NDUFA7: variants seen among roughly 807,000 people sequenced by gnomAD.
NDUFA7 encodes NADH:ubiquinone oxidoreductase subunit A7, also known as NADH dehydrogenase [ubiquinone] 1 alpha subcomplex subunit 7.
A neutral mutation model predicts 14.2 loss-of-function variants in NDUFA7; 18 were observed. The observed-to-expected ratio is 1.27, with a 90% CI of 0.88 to 1.88. The LOEUF (loss-of-function observed/expected upper bound fraction) is 1.88, where lower values mean the gene tolerates loss of function less well. Among genes scored for constraint, NDUFA7 ranks in the 40% most tolerant of loss-of-function variants. The pLI, the probability that NDUFA7 is intolerant of heterozygous loss-of-function variation, is 0.00. For synonymous variants in NDUFA7, 75 were observed against 62.1 expected, an observed-to-expected ratio of 1.21 and a Z score of -0.98; for missense variants, 172 against 147.3, an observed-to-expected ratio of 1.17 and a Z score of -0.87.
chr19:8,309,194 G>A (rs530290506), downstream of NDUFA7, among the ~76,000 whole-genome samples: 98 of 151,568 alleles, frequency 6.5e-4, no homozygotes, highest in African/African-American at 2.2e-3. Context: ...AGAAAAGTTG[G>A]CCGGCGCGCT....
At chr19:8,312,689 T>A (rs1313227352) in intron 3 of NDUFA7, among the ~76,000 whole-genome samples, 1 of 152,008 alleles carries the variant, frequency 6.6e-6, no homozygotes, top group African/African-American at 2.4e-5. Context: ...TGAGACAGGG[T>A]CTCACTTTGT....
chr19:8,321,216 C>T lies in NDUFA7; in HGVS notation c.51+92G>A, dbSNP rs4147646. The T allele has an allele frequency of 6.8e-4, 943 of 1,389,368 alleles. 32 individuals carry two copies. The East Asian group carries it at 0.017, about 24-fold the overall frequency. The allele number at this position is 1,389,368 out of a possible 1,614,324, so 86.1% of individuals were successfully genotyped here. On this transcript the variant is annotated intron_variant, in intron 1 of 3. Coordinates refer to ENST00000301457, the MANE Select transcript of NDUFA7 (RefSeq NM_005001.5). The stretch of plus-strand genomic sequence containing the variant: ...GGGAGATTCGGGGAGAGCGAAGGGT[C>T]CCGGCTTAGGAGGGAGGTGAGGAGC...
intron 1 of NDUFA7, 87 bp from the exon 2 acceptor site, chr19:8,320,993 G>T: frequency 1.3e-6 from 2 of 1,482,432 alleles, no homozygotes; most frequent in South Asian, 2.3e-5. Flanking sequence ...ATGGTCCGGG[G>T]ATGCGCATTT....
chr19:8,310,255 C>T (rs1970161562), downstream of NDUFA7, among the ~76,000 whole-genome samples: 1 of 151,842 alleles, frequency 6.6e-6, no homozygotes, highest in African/African-American at 2.4e-5. Context: ...CATGGCGAAA[C>T]CCCGTCTCTA....
At chr19:8,317,709 T>TATATATGCAATCATGATATATGCAATC (rs1970251749) in intron 2 of NDUFA7, among the ~76,000 whole-genome samples, 1 of 152,208 alleles carries the variant, frequency 6.6e-6, no homozygotes, top group Non-Finnish European at 1.5e-5. Flanking sequence ...TATGCAATCA[T>TATATATGCAATCATGATATATGCAATC]ATGATCGCTT....
intron 3 of NDUFA7, 39 bp from the exon 4 acceptor site, chr19:8,311,634 A>G: frequency 6.4e-7 from 1 of 1,573,914 alleles, no homozygotes; most frequent in Non-Finnish European, 8.7e-7. Context: ...TTTCCAAAGA[A>G]CAGTGTGGAA....
Position 8,316,636 on chromosome 19 carries a change from A to T in NDUFA7, c.111T>A (p.Pro37=). ...RYQEISKRTQ[P]PPKLPVGPSH... is the part of the protein sequence containing the mutation. ...TAGGACCCACAGGGAGCTTGGGAGG[A>T]GGCTGAGTTCTGAGGGGAAAAAAGA... Residue 37 remains proline (P), a synonymous_variant, in exon 3 of 4, where the codon CCT becomes CCA. Transcript: ENST00000301457. 1 of 1,614,032 alleles carries T rather than the reference A, an allele frequency of 6.2e-7. No homozygotes were observed. Among genetic ancestry groups the T allele is most frequent in the Non-Finnish European group, 8.5e-7 (1 of 1,179,974 alleles).
intron 2 of NDUFA7, among the ~76,000 whole-genome samples, chr19:8,318,947 C>T (rs1393140309): frequency 1.3e-5 from 2 of 148,390 alleles, no homozygotes; most frequent in African/African-American, 2.5e-5. Flanking sequence ...TCCAGCTTGG[C>T]GACAGAGTGA....
At chr19:8,318,391 G>T (rs566289592) in intron 2 of NDUFA7, among the ~76,000 whole-genome samples, 13 of 149,758 alleles carry the variant, frequency 8.7e-5, no homozygotes, top group Admixed American at 3.3e-4. Flanking sequence ...CTTGTGATCC[G>T]CCTGCCTCGG....
At chr19:8,320,827 G>C (rs765744793) in intron 2 of NDUFA7, 30 bp downstream of exon 2, 1 of 1,613,632 alleles carries the variant, frequency 6.2e-7, no homozygotes, top group South Asian at 1.1e-5. Context: ...GACAGAGCCA[G>C]AGGCTGGGCA....
intron 3 of NDUFA7, among the ~76,000 whole-genome samples, chr19:8,316,159 A>G (rs1379077628): frequency 6.6e-6 from 1 of 151,602 alleles, no homozygotes; most frequent in African/African-American, 2.4e-5. Flanking sequence ...AAAAAAAAAA[A>G]AAAAAAAAAA....
chr19:8,309,992 C>T (rs977087521), downstream of NDUFA7, among the ~76,000 whole-genome samples: 1 of 152,208 alleles, frequency 6.6e-6, no homozygotes, highest in Non-Finnish European at 1.5e-5. Context: ...TCCTGATCTG[C>T]CCTAGGTTTG....
intron 2 of NDUFA7, among the ~76,000 whole-genome samples, chr19:8,317,604 C>T (rs1970250621): frequency 6.6e-6 from 1 of 152,150 alleles, no homozygotes; most frequent in Non-Finnish European, 1.5e-5. Context: ...TTCCACTTAG[C>T]CATGTTTCTA....
chr19:8,310,947 G>A (rs1011051457), downstream of NDUFA7, among the ~76,000 whole-genome samples: 1 of 152,158 alleles, frequency 6.6e-6, no homozygotes, highest in East Asian at 1.9e-4. Context: ...CCAGGAGGCA[G>A]AGGTTGCAGT....
At chr19:8,321,093 G>T in intron 1 of NDUFA7, 187 bp from the exon 2 acceptor site, 2 of 860,792 alleles carry the variant, frequency 2.3e-6, no homozygotes, top group Non-Finnish European at 3.5e-6. Context: ...ACAGATCCAA[G>T]GCTAAGAAGG....
chr19:8,316,652 G>C lies in NDUFA7; in HGVS notation c.102-7C>G. 1 of 1,612,802 alleles carries C rather than the reference G, an allele frequency of 6.2e-7. No individual in the cohort carries two copies. The highest frequency in any genetic ancestry group is 8.5e-7 in the Non-Finnish European group (1 of 1,179,392). Reference sequence around the variant, plus strand: ...CTTGGGAGGAGGCTGAGTTCTGAGGGGAAAAAAGATGAGCACTGAAGCAAA... The same window carrying C: ...CTTGGGAGGAGGCTGAGTTCTGAGGCGAAAAAAGATGAGCACTGAAGCAAA... On this transcript the variant is annotated splice_polypyrimidine_tract_variant and splice_region_variant and intron_variant, in intron 2 of 3. Transcript: ENST00000301457.
chr19:8,314,187 G>A (rs1809651579), intron 3 of NDUFA7, among the ~76,000 whole-genome samples: 1 of 152,152 alleles, frequency 6.6e-6, no homozygotes, highest in African/African-American at 2.4e-5. Flanking sequence ...CTGGCATGGT[G>A]GCATGCGCCT....
intron 2 of NDUFA7, among the ~76,000 whole-genome samples, chr19:8,320,650 C>CA (rs1327300936): frequency 5.9e-5 from 9 of 152,164 alleles, no homozygotes; most frequent in Non-Finnish European, 1.5e-5. Context: ...GATTGCCAGT[C>CA]AGAATGCACG....
intron 3 of NDUFA7, among the ~76,000 whole-genome samples, chr19:8,315,904 T>C (rs901164972): frequency 2.0e-5 from 3 of 151,734 alleles, no homozygotes. Context: ...CCTGTAATCC[T>C]AGCACTTTGG....
Sources: allele counts gnomAD v4.1 joint callset (sites outside exome capture counted in the v4.1 genomes callset), GRCh38; gene constraint gnomAD v4.1.1; transcripts MANE v1.5; gene names NCBI Gene and HGNC (gene_info 2026-07-23, HGNC 2026-07-21).